RBFOX1: variants seen among roughly 807,000 people sequenced by gnomAD.
RBFOX1 encodes RNA binding fox-1 homolog 1.
RBFOX1 carries 8 observed loss-of-function variants against 57.7 expected under a neutral mutation model. The ratio of observed to expected loss-of-function variants is 0.14; its 90% CI spans 0.08 to 0.25. The LOEUF is 0.25. RBFOX1 is among the 10% of genes least tolerant of loss of function. The pLI, the probability that RBFOX1 is intolerant of heterozygous loss-of-function variation, is 1.00. For synonymous variants in RBFOX1, 326 were observed against 222.4 expected (o/e 1.47, Z -4.15); for missense variants, 611 against 548.5 (o/e 1.11, Z -1.14).
intron 1 of RBFOX1, among the ~76,000 whole-genome samples, chr16:6,230,876 C>T (rs550131368): frequency 6.6e-6 from 1 of 152,296 alleles, no homozygotes; most frequent in Non-Finnish European, 1.5e-5. Flanking sequence ...GATTCACTCA[C>T]TGACTGTATC....
chr16:6,723,373 G>A (rs2066438161), intron 3 of RBFOX1, among the ~76,000 whole-genome samples: 1 of 151,956 alleles, frequency 6.6e-6, no homozygotes, highest in South Asian at 2.1e-4. Flanking sequence ...GCATGCAACT[G>A]TGGATTAAAA....
chr16:7,217,246 T>G (rs1016947743), intron 4 of RBFOX1, among the ~76,000 whole-genome samples: 28 of 149,898 alleles, frequency 1.9e-4, no homozygotes, highest in African/African-American at 6.4e-4. Context: ...GGACTACAGG[T>G]GCGTTCCACC....
chr16:5,299,265 G>T (rs74003858), intron 1 of RBFOX1, among the ~76,000 whole-genome samples: 1 of 151,620 alleles, frequency 6.6e-6, no homozygotes, highest in Non-Finnish European at 1.5e-5. Context: ...TCAGTGGTTC[G>T]TTCTTTTTTT....
intron 5 of RBFOX1, among the ~76,000 whole-genome samples, chr16:7,537,935 A>G (rs2081943488): frequency 6.6e-6 from 1 of 152,236 alleles, no homozygotes; most frequent in African/African-American, 2.4e-5. Flanking sequence ...CCTTTTGGGC[A>G]TTGATCCCAA....
intron 1 of RBFOX1, among the ~76,000 whole-genome samples, chr16:5,287,618 G>T (rs1268531060): frequency 6.6e-6 from 1 of 152,186 alleles, no homozygotes; most frequent in Non-Finnish European, 1.5e-5. Flanking sequence ...TCTGGCATGA[G>T]CATGTCTGGG....
intron 3 of RBFOX1, among the ~76,000 whole-genome samples, chr16:5,711,802 C>T (rs1170864998): frequency 1.3e-5 from 2 of 152,162 alleles, no homozygotes. Flanking sequence ...ATCTAAAGGA[C>T]CCAGCACTTG....
chr16:6,200,565 A>T (rs1157485955), intron 1 of RBFOX1, among the ~76,000 whole-genome samples: 1 of 152,224 alleles, frequency 6.6e-6, no homozygotes, highest in Non-Finnish European at 1.5e-5. Flanking sequence ...GGAAAATGGG[A>T]TTAAAAGCAC....
intron 6 of RBFOX1, among the ~76,000 whole-genome samples, chr16:7,582,398 C>A (rs185321572): frequency 2.0e-5 from 3 of 152,278 alleles, no homozygotes; most frequent in Admixed American, 6.5e-5. Flanking sequence ...CAGGAACATA[C>A]AGATTCATAG....
At chr16:7,262,249 A>C (rs2094946160) in intron 4 of RBFOX1, among the ~76,000 whole-genome samples, 1 of 151,940 alleles carries the variant, frequency 6.6e-6, no homozygotes. Flanking sequence ...ATAGCCTGCC[A>C]TTTTATGGTT....
At chr16:6,682,480 T>G (rs114505191) in intron 3 of RBFOX1, among the ~76,000 whole-genome samples, 28 of 152,292 alleles carry the variant, frequency 1.8e-4, no homozygotes, top group African/African-American at 6.7e-4. Context: ...ACATTGAATG[T>G]GCTTAATGGT....
At chr16:5,906,171 T>C (rs1434153488) in intron 4 of RBFOX1, among the ~76,000 whole-genome samples, 2 of 152,142 alleles carry the variant, frequency 1.3e-5, no homozygotes, top group Admixed American at 6.5e-5. Context: ...ACTGGTGAAG[T>C]CCTAGGCCTC....
chr16:7,078,950 C>A (rs937463915), intron 4 of RBFOX1, among the ~76,000 whole-genome samples: 20 of 137,042 alleles, frequency 1.5e-4, no homozygotes, highest in African/African-American at 5.3e-4. Context: ...CCTCGTGATC[C>A]ACCCACCTTG....
intron 3 of RBFOX1, among the ~76,000 whole-genome samples, chr16:6,963,721 T>C (rs1022264716): frequency 4.9e-4 from 75 of 152,190 alleles, no homozygotes; most frequent in African/African-American, 1.6e-3. Flanking sequence ...TTTTTTGAGA[T>C]GGAGTCTTGC....
At chr16:7,227,054 A>G (rs1381879105) in intron 4 of RBFOX1, among the ~76,000 whole-genome samples, 1 of 152,014 alleles carries the variant, frequency 6.6e-6, no homozygotes, top group Non-Finnish European at 1.5e-5. Flanking sequence ...CACTTTCTTC[A>G]TTTCCCCCAG....
At chr16:7,155,712 A>AAATATATATATATATAT (rs1195367029) in intron 4 of RBFOX1, among the ~76,000 whole-genome samples, 1 of 77,416 alleles carries the variant, frequency 1.3e-5, no homozygotes, top group African/African-American at 6.7e-5. Context: ...AAAAAAAAAA[A>AAATATATATATATATAT]ATATATATAT....
At chr16:5,576,713 A>C (rs939054036) in intron 2 of RBFOX1, among the ~76,000 whole-genome samples, 6 of 152,204 alleles carry the variant, frequency 3.9e-5, no homozygotes, top group African/African-American at 1.4e-4. Flanking sequence ...GAGAATTCTC[A>C]TCAAAGCCCA....
At chr16:6,300,298 T>C (rs1440287541) in intron 1 of RBFOX1, among the ~76,000 whole-genome samples, 2 of 152,138 alleles carry the variant, frequency 1.3e-5, no homozygotes. Flanking sequence ...ATGTATATAC[T>C]TGAATATCAC....
chr16:6,388,468 T>G (rs1308731682), intron 2 of RBFOX1, among the ~76,000 whole-genome samples: 1 of 152,158 alleles, frequency 6.6e-6, no homozygotes, highest in East Asian at 1.9e-4. Context: ...GTTTTTATTT[T>G]TACTTATTAT....
chr16:6,581,293 T>C (rs1025581940), intron 2 of RBFOX1, among the ~76,000 whole-genome samples: 2 of 152,200 alleles, frequency 1.3e-5, no homozygotes, highest in Admixed American at 6.5e-5. Context: ...TTCTGTGTCT[T>C]TGCTTTTTCG....
Sources: allele counts gnomAD v4.1 joint callset (sites outside exome capture counted in the v4.1 genomes callset), GRCh38; gene constraint gnomAD v4.1.1; transcripts MANE v1.5; gene names NCBI Gene and HGNC (gene_info 2026-07-23, HGNC 2026-07-21).